The following B4GALNT2 variants were observed in gnomAD, a reference collection of about 807,000 sequenced individuals.
The protein encoded by B4GALNT2 is beta-1,4-N-acetyl-galactosaminyltransferase 2 (SID blood group).
In B4GALNT2, 42 loss-of-function variants were observed where a neutral mutation model predicts 51.1. The ratio of observed to expected loss-of-function variants is 0.82; its 90% CI spans 0.64 to 1.06. The LOEUF (loss-of-function observed/expected upper bound fraction) is 1.06, where lower values mean the gene tolerates loss of function less well. Among genes scored for constraint, B4GALNT2 ranks in the 50% least tolerant of loss-of-function variants. The pLI, the probability that B4GALNT2 is intolerant of heterozygous loss-of-function variation, is 0.00. For synonymous variants in B4GALNT2, 253 were observed against 251.7 expected, an observed-to-expected ratio of 1.01 and a Z score of -0.05; for missense variants, 602 against 633.6, an observed-to-expected ratio of 0.95 and a Z score of 0.54.
In B4GALNT2 at chr17:49,169,857, C is replaced by T; in HGVS notation, c.*129C>T. ...TGGTGGGTAGGGAAAAGGGAAATGGCTCAGTTACTGGAAGTACCAATCAAA... is the reference window on the plus strand; with the variant it reads ...TGGTGGGTAGGGAAAAGGGAAATGGTTCAGTTACTGGAAGTACCAATCAAA... On this transcript the variant is annotated 3_prime_UTR_variant, in exon 11 of 11. Coordinates refer to ENST00000393354, the MANE Select transcript of B4GALNT2 (RefSeq NM_001159387.2). The T allele has an allele frequency of 1.1e-6, 1 of 901,928 alleles. No individual in the cohort carries two copies. The highest frequency in any genetic ancestry group is 2.1e-5 in the South Asian group (1 of 47,084). 55.9% of individuals were successfully genotyped at this position (901,928 alleles called of 1,614,324 possible).
chr17:49,160,792 C>T (rs1372508230), intron 7 of B4GALNT2, 151 bp downstream of exon 7: 2 of 695,132 alleles, frequency 2.9e-6, no homozygotes. Flanking sequence ...GAAAAAAACT[C>T]TAAGACACAA....
At chr17:49,128,347 G>A (rs1238449355), upstream of B4GALNT2, among the ~76,000 whole-genome samples, 1 of 152,164 alleles carries the variant, frequency 6.6e-6, no homozygotes, top group Non-Finnish European at 1.5e-5. Flanking sequence ...GGGGCTGAAG[G>A]CTTGCGGGCA....
At chr17:49,120,800 G>A in the B4GALNT2 span, among the ~76,000 whole-genome samples, 1 of 152,022 alleles carries the variant, frequency 6.6e-6, no homozygotes. Flanking sequence ...GTGAGCCACT[G>A]TGCCCAGCCT....
rs976029044 is a variant in B4GALNT2, at chr17:49,175,405, T to C, written c.*5677T>C. On this transcript the variant is annotated 3_prime_UTR_variant, in exon 11 of 11. Coordinates refer to ENST00000393354, the MANE Select transcript of B4GALNT2 (RefSeq NM_001159387.2). The stretch of plus-strand genomic sequence containing the variant: ...GCTTTCCAAGGAAAAGAAGTAAATA[T>C]AACAATTTGAATTTCCCCATTGTAA... 6.6e-6 allele frequency: 1 copy of C among 152,184 alleles called. No individual in the cohort carries two copies. The highest frequency in any genetic ancestry group is 6.5e-5 in the Admixed American group (1 of 15,274). The allele number at this position is 152,184 out of a possible 1,614,324, so 9.4% of individuals were successfully genotyped here. A position where few individuals can be genotyped will look rare whatever the true frequency, so the allele number is the denominator to read the frequency against.
chr17:49,163,854 A>T (rs899702495), intron 7 of B4GALNT2, among the ~76,000 whole-genome samples: 2 of 152,126 alleles, frequency 1.3e-5, no homozygotes, highest in African/African-American at 4.8e-5. Context: ...ACAGTTGGGA[A>T]ATGACATAGT....
chr17:49,167,405 G>A (rs2042920042), intron 9 of B4GALNT2, among the ~76,000 whole-genome samples: 1 of 152,184 alleles, frequency 6.6e-6, no homozygotes, highest in Non-Finnish European at 1.5e-5. Flanking sequence ...AAACGTTGCT[G>A]CAAGGGAGGT....
At chr17:49,120,911 G>C in the B4GALNT2 span, among the ~76,000 whole-genome samples, 2 of 152,040 alleles carry the variant, frequency 1.3e-5, no homozygotes, top group Non-Finnish European at 2.9e-5. Context: ...CCTTCCCCAC[G>C]ATTGAGGACC....
chr17:49,167,051 G>A (rs937994850), intron 9 of B4GALNT2, among the ~76,000 whole-genome samples: 1 of 152,272 alleles, frequency 6.6e-6, no homozygotes, highest in African/African-American at 2.4e-5. Flanking sequence ...AAGTGGTGTC[G>A]TGATCACAGT....
intron 1 of B4GALNT2, among the ~76,000 whole-genome samples, chr17:49,137,771 A>G (rs1190458683): frequency 6.6e-6 from 1 of 152,210 alleles, no homozygotes; most frequent in Non-Finnish European, 1.5e-5. Context: ...GTTACCCACT[A>G]AAATTTAAGC....
intron 10 of B4GALNT2, 78 bp from the exon 11 acceptor site, chr17:49,169,445 C>T (rs1331820763): frequency 7.2e-7 from 1 of 1,389,088 alleles, no homozygotes; most frequent in Non-Finnish European, 1.0e-6. Context: ...CCCTGGGACT[C>T]TCCCCCACCA....
rs1567868174 is a variant in B4GALNT2, at chr17:49,168,703, A to G, written c.1118A>G (p.Asn373Ser). The G allele has an allele frequency of 1.2e-6, 2 of 1,613,992 alleles. No homozygotes were observed. The highest frequency in any genetic ancestry group is 1.7e-6 in the Non-Finnish European group (2 of 1,180,008). Residue 373 changes from asparagine to serine, a missense_variant, in exon 10 of 11, where the codon AAT becomes AGT. Coordinates refer to ENST00000393354, the MANE Select transcript of B4GALNT2 (RefSeq NM_001159387.2). Reference protein sequence around the residue: ...LDVVGGSVLGNVFQFKLLLEQ... With the variant: ...LDVVGGSVLGSVFQFKLLLEQ... ...TAGGTAGGCGGCAGTGTGCTGGGAAATGTGTTCCAGTTTAAGTTGTTGCTG... is the reference window on the plus strand; with the variant it reads ...TAGGTAGGCGGCAGTGTGCTGGGAAGTGTGTTCCAGTTTAAGTTGTTGCTG...
At position 49,174,615 on chromosome 17, in the gene B4GALNT2, CTG is replaced by C. The variant is rs1346225632; in HGVS notation, c.*4888_*4889del. The C allele has an allele frequency of 2.6e-5, 4 of 152,146 alleles. No homozygotes were observed. The highest frequency in any genetic ancestry group is 9.7e-5 in the African/African-American group (4 of 41,428). 9.4% of individuals were successfully genotyped at this position (152,146 alleles called of 1,614,324 possible). ...CCTGATTTTTTCTTAATTATAAAAA[CTG>C]GAGAGTTCCAAGGGGAAAATGTTGG... On this transcript the variant is annotated 3_prime_UTR_variant, in exon 11 of 11. Coordinates refer to ENST00000393354, the MANE Select transcript of B4GALNT2 (RefSeq NM_001159387.2).
rs1424794858 is a variant in B4GALNT2 at position 49,164,157 on chromosome 17, T to C, written c.836T>C (p.Met279Thr). The C allele has an allele frequency of 6.8e-6, 11 of 1,613,982 alleles. No homozygotes were observed. The Admixed American group carries it at 1.7e-4, about 24-fold the overall frequency. The change falls in exon 8 of 11, where the codon ATG (methionine) becomes ACG (threonine). Residue 279 changes from methionine (M) to threonine (T), a missense_variant. By Grantham distance (81) the Met-to-Thr change is moderately conservative. Transcript: ENST00000393354. ...CTCCGCCCCCACAAGCTCATGATCATGCTCCGGAGTATTCGAGAGTATTAC... is the reference window on the plus strand; with the variant it reads ...CTCCGCCCCCACAAGCTCATGATCACGCTCCGGAGTATTCGAGAGTATTAC... The part of the protein sequence containing the change: ...TFLRPHKLMI[M>T]LRSIREYYPD...
At chr17:49,132,107 C>A (rs1292822369), upstream of B4GALNT2, among the ~76,000 whole-genome samples, 1 of 152,082 alleles carries the variant, frequency 6.6e-6, no homozygotes, top group Non-Finnish European at 1.5e-5. Flanking sequence ...CTATTGCACT[C>A]CAGGCTGGGT....
intron 3 of B4GALNT2, among the ~76,000 whole-genome samples, chr17:49,151,093 G>GATTGTTATTA (rs2042750432): frequency 0.029 from 2 of 68 alleles, no homozygotes; most frequent in Non-Finnish European, 0.059. Flanking sequence ...GCTAATCTTA[G>GATTGTTATTA]GCCGGGCGCG....
chr17:49,152,739 G>A, intron 3 of B4GALNT2, 61 bp from the exon 4 acceptor site: 1 of 1,256,060 alleles, frequency 8.0e-7, no homozygotes, highest in Non-Finnish European at 1.1e-6. Flanking sequence ...GCACCACTTT[G>A]AGAACGAACC....
At chr17:49,146,281 C>T (rs886626350) in intron 3 of B4GALNT2, among the ~76,000 whole-genome samples, 3 of 152,264 alleles carry the variant, frequency 2.0e-5, no homozygotes, top group Admixed American at 2.0e-4. Context: ...CCAGTGAATT[C>T]CATGAGCATG....
chr17:49,125,197 C>T, the B4GALNT2 span, among the ~76,000 whole-genome samples: 77,548 of 151,894 alleles, frequency 0.51, 20,182 homozygotes, highest in Middle Eastern at 0.62. Flanking sequence ...TTCACTCTTG[C>T]CACCTAGGCT....
Position 49,175,995 on chromosome 17 carries a change from C to T in B4GALNT2, c.*6267C>T, listed in dbSNP as rs1269460063. On this transcript the variant is annotated 3_prime_UTR_variant, in exon 11 of 11. Coordinates refer to ENST00000393354, the MANE Select transcript of B4GALNT2 (RefSeq NM_001159387.2). ...ACTTTGTTATACTTTCCTTCCTTCTCATCATTAGTGTGAAAAGGTTCTAAG... is the reference window on the plus strand; with the variant it reads ...ACTTTGTTATACTTTCCTTCCTTCTTATCATTAGTGTGAAAAGGTTCTAAG... The T allele has an allele frequency of 6.6e-6, 1 of 152,238 alleles. No homozygotes were observed. The highest frequency in any genetic ancestry group is 2.4e-5 in the African/African-American group (1 of 41,450). 9.4% of individuals were successfully genotyped at this position (152,238 alleles called of 1,614,324 possible). A position where few individuals can be genotyped will look rare whatever the true frequency, so the allele number is the denominator to read the frequency against.
Sources: gnomAD v4.1 joint callset for allele counts (sites outside exome capture counted in the v4.1 genomes callset) on GRCh38, gnomAD v4.1.1 for gene constraint, MANE v1.5 for transcripts, NCBI Gene and HGNC (gene_info 2026-07-23, HGNC 2026-07-21) for gene names.